Variants in TLN2 observed in about 807,000 individuals in gnomAD.
TLN2 encodes talin 2, also known as talin-2.
Under a neutral mutation model 294.7 loss-of-function variants are expected in TLN2, and 118 were observed. The ratio of observed to expected loss-of-function variants is 0.40; its 90% CI spans 0.34 to 0.47. The LOEUF (loss-of-function observed/expected upper bound fraction) is 0.47, where lower values mean the gene tolerates loss of function less well. Among genes scored for constraint, TLN2 ranks in the 20% least tolerant of loss-of-function variants. The probability of loss-of-function intolerance (pLI) is 0.84; values close to 1 mark genes in which losing one functional copy is unlikely to be tolerated. For synonymous variants in TLN2, 1,431 were observed against 1,304.5 expected, an observed-to-expected ratio of 1.10 and a Z score of -2.09; for missense variants, 3,083 against 3,282.2, an observed-to-expected ratio of 0.94 and a Z score of 1.48.
intron 9 of TLN2, among the ~76,000 whole-genome samples, chr15:62,667,177 AG>A (rs764687027): frequency 6.6e-6 from 1 of 152,138 alleles, no homozygotes; most frequent in Non-Finnish European, 1.5e-5. Flanking sequence ...CATGTTAGCC[AG>A]GATGGTCTCG....
chr15:62,761,381 C>T (rs763736728), intron 37 of TLN2, among the ~76,000 whole-genome samples: 2 of 152,104 alleles, frequency 1.3e-5, no homozygotes, highest in Non-Finnish European at 2.9e-5. Flanking sequence ...CAGGGGGTCA[C>T]GGGGCGTTGA....
At chr15:62,794,967 A>G (rs960555151) in intron 46 of TLN2, among the ~76,000 whole-genome samples, 1 of 151,958 alleles carries the variant, frequency 6.6e-6, no homozygotes. Flanking sequence ...TAATACAAAG[A>G]CTCAAAGAGC....
intron 1 of TLN2, among the ~76,000 whole-genome samples, chr15:62,429,131 T>TTGGGGGGGGGG (rs2034875451): frequency 7.2e-6 from 1 of 138,658 alleles, no homozygotes; most frequent in Non-Finnish European, 1.5e-5. Flanking sequence ...TGGCGGGGGT[T>TTGGGGGGGGGG]GGGGGGGTAG....
chr15:62,708,988 A>G (rs922365990), intron 21 of TLN2, among the ~76,000 whole-genome samples, 192 bp downstream of exon 21: 2 of 152,228 alleles, frequency 1.3e-5, no homozygotes, highest in Non-Finnish European at 2.9e-5. Context: ...AGATTTCTAC[A>G]GAGTTCACTG....
intron 1 of TLN2, among the ~76,000 whole-genome samples, chr15:62,452,686 A>G (rs1203483714): frequency 1.3e-5 from 2 of 152,220 alleles, no homozygotes; most frequent in East Asian, 1.9e-4. Context: ...CAGTGGAATC[A>G]TACCGCATTT....
Position 62,744,216 on chromosome 15 carries a change from C to T in TLN2, c.4025+3447C>T, listed in dbSNP as rs115543750. On this transcript the variant is annotated intron_variant, in intron 32 of 58. Coordinates refer to ENST00000636159, the MANE Select transcript of TLN2 (RefSeq NM_015059.3). ...GCTTTCATTTTCTTCCGGCTCCCTG[C>T]GAGTCCCTACATACCTCTGGTCCCT... is the stretch of plus-strand genomic sequence containing the variant. 2.1e-3 allele frequency among the ~76,000 whole-genome samples: 327 copies of T among 152,170 alleles called. 2 individuals carry two copies. The highest frequency in any genetic ancestry group is 5.8e-3 in the African/African-American group (241 of 41,528).
chr15:62,710,676 A>G (rs1316391204), intron 21 of TLN2, among the ~76,000 whole-genome samples: 3 of 150,480 alleles, frequency 2.0e-5, no homozygotes, highest in Admixed American at 6.6e-5. Flanking sequence ...CACTAACTAA[A>G]CTACAGACAT....
intron 3 of TLN2, among the ~76,000 whole-genome samples, chr15:62,639,150 A>G (rs1442967081): frequency 6.6e-6 from 1 of 152,188 alleles, no homozygotes; most frequent in Non-Finnish European, 1.5e-5. Flanking sequence ...AGATGACTCC[A>G]TTGATGTAGT....
chr15:62,409,846 T>A (rs2033655774), intron 1 of TLN2, among the ~76,000 whole-genome samples: 1 of 152,230 alleles, frequency 6.6e-6, no homozygotes, highest in Admixed American at 6.5e-5. Context: ...TTCTAAGTTC[T>A]GTGCTTTGCA....
intron 1 of TLN2, among the ~76,000 whole-genome samples, chr15:62,558,603 G>A (rs181374565): frequency 4.8e-4 from 73 of 152,286 alleles, no homozygotes; most frequent in African/African-American, 1.6e-3. Flanking sequence ...TTATATATAC[G>A]TGGAAGATAC....
At chr15:62,839,049 G>C in intron 58 of TLN2, 68 bp downstream of exon 58, 1 of 1,554,828 alleles carries the variant, frequency 6.4e-7, no homozygotes, top group Non-Finnish European at 8.7e-7. Context: ...AGAGACAAAA[G>C]AATAGTGACT....
At chr15:62,673,595 C>T (rs1032752598) in intron 9 of TLN2, among the ~76,000 whole-genome samples, 1 of 140,088 alleles carries the variant, frequency 7.1e-6, no homozygotes, top group South Asian at 2.3e-4. Context: ...TACAATAGAT[C>T]CTGGAATTTC....
intron 16 of TLN2, among the ~76,000 whole-genome samples, chr15:62,699,741 C>T (rs1342791256): frequency 6.6e-6 from 1 of 152,200 alleles, no homozygotes; most frequent in Non-Finnish European, 1.5e-5. Flanking sequence ...TGAGAAGCAC[C>T]GGCTAGCGCT....
At chr15:62,559,083 C>G (rs1198524035) in intron 1 of TLN2, among the ~76,000 whole-genome samples, 1 of 152,166 alleles carries the variant, frequency 6.6e-6, no homozygotes, top group Non-Finnish European at 1.5e-5. Context: ...TGAACATCCA[C>G]TTTCCCTTCA....
intron 37 of TLN2, among the ~76,000 whole-genome samples, chr15:62,756,891 G>T (rs909914738): frequency 2.2e-5 from 3 of 137,950 alleles, no homozygotes; most frequent in Non-Finnish European, 3.2e-5. Flanking sequence ...TTTAAACAAA[G>T]AGTCTTTTTT....
At chr15:62,794,151 C>T (rs893884719) in intron 46 of TLN2, among the ~76,000 whole-genome samples, 1 of 152,180 alleles carries the variant, frequency 6.6e-6, no homozygotes, top group African/African-American at 2.4e-5. Flanking sequence ...GTAGGCATGG[C>T]CAAGCAGCTT....
At chr15:62,512,607 T>G (rs1331911744) in intron 1 of TLN2, among the ~76,000 whole-genome samples, 1 of 152,204 alleles carries the variant, frequency 6.6e-6, no homozygotes, top group Non-Finnish European at 1.5e-5. Context: ...ATTTTCTTTC[T>G]TCTCATGGAT....
chr15:62,809,942 C>T lies in TLN2; in HGVS notation c.6681C>T (p.Pro2227=), dbSNP rs199721625. 23 of 1,613,986 alleles carry T rather than the reference C, an allele frequency of 1.4e-5. No individual in the cohort carries two copies. Among genetic ancestry groups the T allele is most frequent in the Middle Eastern group, 1.6e-4 (1 of 6,062 alleles). Residue 2227 remains proline (P), a synonymous_variant, in exon 52 of 59, where the codon CCC becomes CCT. Coordinates refer to ENST00000636159, the MANE Select transcript of TLN2 (RefSeq NM_015059.3). ...CTCTCCAGCAAGCATCCTTCCACCC[C>T]GATGTCAGTGACGAGGTGAGAACCA... ...LTACKQASFH[P]DVSDEVRTRA...
intron 1 of TLN2, among the ~76,000 whole-genome samples, chr15:62,545,514 T>TTGTGTGTGTGTGTG (rs56777565): frequency 0.028 from 4,071 of 145,960 alleles, 62 homozygotes; most frequent in Non-Finnish European, 0.031. Context: ...TTCTTTCTCT[T>TTGTGTGTGTGTGTG]TGTGTGTGTG....
Sources: allele counts gnomAD v4.1 joint callset (sites outside exome capture counted in the v4.1 genomes callset), GRCh38; gene constraint gnomAD v4.1.1; transcripts MANE v1.5; gene names NCBI Gene and HGNC (gene_info 2026-07-23, HGNC 2026-07-21).